Variants in FMO1 observed in about 807,000 individuals in gnomAD.
The protein encoded by FMO1 is flavin-containing monooxygenase 1.
Under a neutral mutation model 45.4 loss-of-function variants are expected in FMO1, and 36 were observed. The ratio of observed to expected loss-of-function variants is 0.79; its 90% CI spans 0.61 to 1.05. FMO1 has a LOEUF of 1.05. Among genes scored for constraint, FMO1 ranks in the 50% least tolerant of loss-of-function variants. The pLI is 0.00. For missense variants in FMO1, 615 were observed against 640.3 expected, an observed-to-expected ratio of 0.96 and a Z score of 0.43; for synonymous variants, 228 against 227.2, an observed-to-expected ratio of 1.00 and a Z score of -0.03.
chr1:171,275,428 AAG>A lies in FMO1; in HGVS notation c.407_408del (p.Glu136ValfsTer5). On this transcript the variant is annotated frameshift_variant, in exon 4 of 9. Coordinates refer to ENST00000617670, the MANE Select transcript of FMO1 (RefSeq NM_001282693.2). LOFTEE classifies it high-confidence loss of function. ...GTGGTCACTATGCATGAAGAGAAGC[AAG>A]AGTCAGCCATCTTTGATGCTGTCAT... 6.2e-7 allele frequency: 1 copy of A among 1,613,782 alleles called. No individual in the cohort carries two copies. Among genetic ancestry groups the A allele is most frequent in the African/African-American group, 1.3e-5 (1 of 75,036 alleles).
intron 3 of FMO1, chr1:171,271,678 G>T (rs1376677298): frequency 4.6e-6 from 3 of 647,236 alleles, no homozygotes; most frequent in Non-Finnish European, 8.2e-6. Flanking sequence ...GGAGCTCAAT[G>T]TACTGCCTCT....
chr1:171,263,427 A>G (rs1470864952), intron 2 of FMO1, among the ~76,000 whole-genome samples: 1 of 152,214 alleles, frequency 6.6e-6, no homozygotes, highest in Non-Finnish European at 1.5e-5. Context: ...TATTCTGTTA[A>G]GAACTACATT....
chr1:171,250,123 G>T (rs1360449248), intron 1 of FMO1, among the ~76,000 whole-genome samples: 3 of 152,190 alleles, frequency 2.0e-5, no homozygotes, highest in Admixed American at 6.5e-5. Context: ...CAAACTAAAA[G>T]AAAAATAATA....
chr1:171,268,925 T>C (rs549321252), intron 3 of FMO1, among the ~76,000 whole-genome samples: 118 of 152,360 alleles, frequency 7.7e-4, no homozygotes, highest in Middle Eastern at 3.4e-3. Context: ...TTTCCCATGC[T>C]GTTCTCCTGA....
intron 3 of FMO1, 61 bp from the exon 4 acceptor site, chr1:171,275,285 A>C: frequency 7.4e-7 from 1 of 1,347,486 alleles, no homozygotes; most frequent in South Asian, 1.2e-5. Context: ...TGGTACATCA[A>C]CTGGCAAGTG....
chr1:171,270,726 C>T (rs1660819878), intron 3 of FMO1: 4 of 1,116,980 alleles, frequency 3.6e-6, no homozygotes, highest in African/African-American at 1.6e-5. Flanking sequence ...ATTTACAACC[C>T]GCATACTGCA....
At chr1:171,255,091 G>T (rs2101793699) in intron 1 of FMO1, among the ~76,000 whole-genome samples, 1 of 152,278 alleles carries the variant, frequency 6.6e-6, no homozygotes, top group Middle Eastern at 3.4e-3. Context: ...ATGAATCACA[G>T]ATCTGAGTTG....
At chr1:171,270,455 T>C in intron 3 of FMO1, 1 of 430,202 alleles carries the variant, frequency 2.3e-6, no homozygotes, top group Non-Finnish European at 3.1e-6. Context: ...TAGCTTCCCC[T>C]CCAAAAGAAA....
intron 2 of FMO1, among the ~76,000 whole-genome samples, chr1:171,261,535 T>C (rs1660378210): frequency 6.6e-6 from 1 of 152,130 alleles, no homozygotes; most frequent in African/African-American, 2.4e-5. Context: ...ACACATGTGG[T>C]GACAGTTTCC....
chr1:171,268,407 T>C (rs766533581), intron 3 of FMO1, among the ~76,000 whole-genome samples: 1 of 152,200 alleles, frequency 6.6e-6, no homozygotes, highest in Non-Finnish European at 1.5e-5. Context: ...TTGACTATTC[T>C]TTTATAGGAA....
intron 6 of FMO1, 93 bp downstream of exon 6, chr1:171,281,078 G>A: frequency 1.0e-6 from 1 of 962,764 alleles, no homozygotes; most frequent in Non-Finnish European, 1.6e-6. Flanking sequence ...ACAGCAACAT[G>A]GCTGAATGTG....
intron 2 of FMO1, among the ~76,000 whole-genome samples, chr1:171,265,487 TTA>T (rs1660581716): frequency 6.6e-6 from 1 of 151,696 alleles, no homozygotes; most frequent in South Asian, 2.1e-4. Context: ...AATTTGAAAT[TTA>T]TAGAGTCAGA....
At chr1:171,249,661 G>A (rs953050664) in intron 1 of FMO1, among the ~76,000 whole-genome samples, 1 of 151,982 alleles carries the variant, frequency 6.6e-6, no homozygotes, top group Admixed American at 6.6e-5. Context: ...GTATTCTGAA[G>A]TATTTTCATG....
At chr1:171,274,351 C>A (rs1452151810) in intron 3 of FMO1, among the ~76,000 whole-genome samples, 1 of 151,608 alleles carries the variant, frequency 6.6e-6, no homozygotes, top group Non-Finnish European at 1.5e-5. Context: ...GCCTTGACTT[C>A]CCAAGCACAG....
intron 1 of FMO1, among the ~76,000 whole-genome samples, chr1:171,253,565 C>A (rs1288556315): frequency 6.6e-6 from 1 of 151,982 alleles, no homozygotes. Context: ...AGTTCGAGAC[C>A]AGCCTAACCG....
chr1:171,251,256 G>T (rs1465411345), intron 1 of FMO1, among the ~76,000 whole-genome samples: 2 of 152,110 alleles, frequency 1.3e-5, no homozygotes, highest in Non-Finnish European at 2.9e-5. Flanking sequence ...TAGCTGATCA[G>T]GGCCAAGTCG....
At chr1:171,264,641 G>A (rs1352903617) in intron 2 of FMO1, among the ~76,000 whole-genome samples, 2 of 152,066 alleles carry the variant, frequency 1.3e-5, no homozygotes, top group East Asian at 3.9e-4. Flanking sequence ...TGTAATCTCA[G>A]CAATTTGGGA....
At chr1:171,264,356 A>G (rs1405660315) in intron 2 of FMO1, among the ~76,000 whole-genome samples, 1 of 148,942 alleles carries the variant, frequency 6.7e-6, no homozygotes, top group Non-Finnish European at 1.5e-5. Flanking sequence ...ACACACATTT[A>G]TATATATATT....
intron 3 of FMO1, among the ~76,000 whole-genome samples, chr1:171,273,478 T>C (rs1194404376): frequency 1.3e-5 from 2 of 152,204 alleles, no homozygotes; most frequent in Non-Finnish European, 2.9e-5. Flanking sequence ...ATTTGAAGCA[T>C]TTCCTTTACC....
Sources: allele counts gnomAD v4.1 joint callset (sites outside exome capture counted in the v4.1 genomes callset), GRCh38; gene constraint gnomAD v4.1.1; transcripts MANE v1.5; gene names NCBI Gene and HGNC (gene_info 2026-07-23, HGNC 2026-07-21).